HECTD4: variants seen among roughly 807,000 people sequenced by gnomAD.
HECTD4 encodes the protein probable E3 ubiquitin-protein ligase HECTD4.
HECTD4 carries 114 observed loss-of-function variants against 471.5 expected under a neutral mutation model. The observed-to-expected ratio is 0.24, with a 90% confidence interval of 0.21 to 0.28. The LOEUF (loss-of-function observed/expected upper bound fraction) is 0.28, where lower values mean the gene tolerates loss of function less well. HECTD4 is among the 10% of genes least tolerant of loss of function. HECTD4 has a pLI of 1.00. For synonymous variants in HECTD4, 2,012 were observed against 2,256.0 expected (o/e 0.89, Z 3.07); for missense variants, 3,866 against 5,651.5 (o/e 0.68, Z 10.13).
chr12:112,335,143 T>TACACAC lies in HECTD4; in HGVS notation c.178-15407_178-15402dup, dbSNP rs144839031. Among the ~76,000 whole-genome samples the TACACAC allele has an allele frequency of 6.3e-3, 929 of 146,884 alleles. 10 individuals are homozygous for TACACAC. Among genetic ancestry groups the TACACAC allele is most frequent in the African/African-American group, 0.017 (680 of 39,500 alleles). The stretch of plus-strand genomic sequence containing the variant: ...CAACAAGTGGATAAAGAAACTGTGA[T>TACACAC]ACACACACACACACACACACACAGA... On this transcript the variant is annotated intron_variant, in intron 1 of 75. Transcript: ENST00000682272.
At position 112,246,842 on chromosome 12, in the gene HECTD4, C is replaced by G; in HGVS notation, c.4513+59G>C. 8 of 1,461,524 alleles carry G rather than the reference C, an allele frequency of 5.5e-6. 1 individual carries two copies. Among genetic ancestry groups the G allele is most frequent in the Non-Finnish European group, 7.4e-6 (8 of 1,085,758 alleles). The allele number at this position is 1,461,524 out of a possible 1,614,324, so 90.5% of individuals were successfully genotyped here. ...AATATAGCTGTGTGTCTTATATGAA[C>G]AGAGTATATTCTCTGTTCATATAAC... On this transcript the variant is annotated intron_variant, in intron 29 of 75. Coordinates refer to ENST00000682272, the MANE Select transcript of HECTD4 (RefSeq NM_001388303.1).
Position 112,164,273 on chromosome 12 carries a change from G to T in HECTD4, c.12537C>A (p.Ile4179=), listed in dbSNP as rs775660969. The T allele has an allele frequency of 1.2e-6, 2 of 1,611,264 alleles. No homozygotes were observed. The highest frequency in any genetic ancestry group is 1.7e-6 in the Non-Finnish European group (2 of 1,178,276). Residue 4179 remains isoleucine (I), a splice_region_variant and synonymous_variant, in exon 73 of 76, where the codon ATC becomes ATA. Coordinates refer to ENST00000682272, the MANE Select transcript of HECTD4 (RefSeq NM_001388303.1). ...GGGCCTCCAGCTCGGTCTCATCATT[G>T]ATCTGGAGGGTGGAGGCAGAGCGAG... The part of the protein sequence containing the change: ...TYNYVKKFES[I]NDETELEALC...
At chr12:112,302,857 ATGTGCTGAACCCC>A (rs561093373) in intron 7 of HECTD4, among the ~76,000 whole-genome samples, 14 of 151,942 alleles carry the variant, frequency 9.2e-5, no homozygotes, top group Non-Finnish European at 1.8e-4. Flanking sequence ...TGAGCTTCCT[ATGTGCTGAACCCC>A]TGGCTTCAAT....
intron 1 of HECTD4, among the ~76,000 whole-genome samples, chr12:112,346,096 C>CG (rs1301590588): frequency 4.6e-5 from 7 of 152,292 alleles, no homozygotes; most frequent in African/African-American, 1.4e-4. Flanking sequence ...CTAAGGAGTG[C>CG]GACTGCCCCA....
At chr12:112,317,956 CAAAAAAAAAAAAAA>C (rs59773169) in intron 2 of HECTD4, among the ~76,000 whole-genome samples, 8 of 22,238 alleles carry the variant, frequency 3.6e-4, no homozygotes, top group South Asian at 2.2e-3. Flanking sequence ...GACCCCATCT[CAAAAAAAAAAAAAA>C]AAAAAAAAAA....
rs2137027323 is a variant in HECTD4, at chr12:112,184,273, A to T, written c.10693T>A (p.Ser3565Thr). 1.9e-6 allele frequency: 3 copies of T among 1,613,382 alleles called. No individual in the cohort carries two copies. The highest frequency in any genetic ancestry group is 4.5e-5 in the East Asian group (2 of 44,858). The part of the protein sequence containing the change: ...PLDNAETASV[S>T]DMGSMYTVTS... ...ACTGTGTACATGGAGCCCATGTCCG[A>T]CACCGAGGCCGTCTCTGCATTGTCC... The change falls in exon 61 of 76, where the codon TCG becomes ACG. Residue 3565 changes from serine to threonine, a missense_variant. Physicochemically the swap from Ser to Thr is moderately conservative, Grantham distance 58. Around this residue, in one of 16 missense-constraint regions of HECTD4, gnomAD observed 192 missense variants for 189.9 expected, o/e 1.01. Coordinates refer to ENST00000682272, the MANE Select transcript of HECTD4 (RefSeq NM_001388303.1). This position sits in a 1 kb window ranked among gnomAD's most constrained non-coding sequence, Gnocchi z 9.1.
intron 1 of HECTD4, among the ~76,000 whole-genome samples, chr12:112,354,150 G>A (rs1594068896): frequency 2.0e-5 from 3 of 151,990 alleles, no homozygotes; most frequent in South Asian, 4.2e-4. Context: ...ACAGCTCACC[G>A]CAGCCACGAC....
chr12:112,204,876 T>C (rs2032527720), intron 52 of HECTD4, among the ~76,000 whole-genome samples: 1 of 152,134 alleles, frequency 6.6e-6, no homozygotes, highest in South Asian at 2.1e-4. Flanking sequence ...CTCACACCTG[T>C]AATCCCAGCA....
intron 64 of HECTD4, among the ~76,000 whole-genome samples, chr12:112,178,482 ACT>A (rs770339653): frequency 1.3e-5 from 2 of 152,252 alleles, no homozygotes; most frequent in East Asian, 3.9e-4. Context: ...ATAAAATGAA[ACT>A]CTGATGTTCA....
At chr12:112,192,478 A>AAGT (rs1338170594) in intron 59 of HECTD4, 82 bp downstream of exon 59, 1 of 1,140,778 alleles carries the variant, frequency 8.8e-7, no homozygotes, top group Non-Finnish European at 1.2e-6. Context: ...TGCAAGGTAC[A>AAGT]AAATTCATTA....
intron 11 of HECTD4, among the ~76,000 whole-genome samples, chr12:112,271,942 C>T (rs1301519262): frequency 6.6e-6 from 1 of 152,176 alleles, no homozygotes; most frequent in Non-Finnish European, 1.5e-5. Flanking sequence ...ATCAGTCCAA[C>T]ATCTGCATTT....
intron 27 of HECTD4, 57 bp downstream of exon 27, chr12:112,248,010 T>C (rs1271817366): frequency 6.0e-5 from 71 of 1,181,240 alleles, no homozygotes; most frequent in Non-Finnish European, 1.2e-6. Context: ...ACACACAGTA[T>C]ATACCTTTGC....
At chr12:112,343,773 T>C (rs1485060529) in intron 1 of HECTD4, among the ~76,000 whole-genome samples, 2 of 151,484 alleles carry the variant, frequency 1.3e-5, no homozygotes, top group African/African-American at 4.9e-5. Context: ...ACCCCATCTC[T>C]TGGGAAAAAA....
chr12:112,343,523 A>G (rs1292585310), intron 1 of HECTD4, among the ~76,000 whole-genome samples: 1 of 152,204 alleles, frequency 6.6e-6, no homozygotes, highest in Admixed American at 6.5e-5. Flanking sequence ...TAATCCCAGC[A>G]CTTGGGGAGA....
chr12:112,236,170 T>C (rs1673974971), intron 35 of HECTD4, among the ~76,000 whole-genome samples: 2 of 152,118 alleles, frequency 1.3e-5, no homozygotes, highest in South Asian at 4.1e-4. Context: ...GCCTTCAGAG[T>C]GAAGACTCAA....
intron 7 of HECTD4, among the ~76,000 whole-genome samples, chr12:112,304,866 T>G (rs1046826754): frequency 5.3e-5 from 8 of 152,208 alleles, no homozygotes; most frequent in Admixed American, 2.6e-4. Context: ...GCTGCTGGGT[T>G]GGATGACTGG....
intron 60 of HECTD4, among the ~76,000 whole-genome samples, 197 bp from the exon 61 acceptor site, chr12:112,185,690 G>A (rs2031836528): frequency 6.6e-6 from 1 of 152,254 alleles, no homozygotes; most frequent in African/African-American, 2.4e-5. Flanking sequence ...CCAGACAAGA[G>A]AGCTAAGATT....
chr12:112,259,361 G>C lies in HECTD4; in HGVS notation c.2874-96C>G, dbSNP rs990905700. On this transcript the variant is annotated intron_variant, in intron 18 of 75. Coordinates refer to ENST00000682272, the MANE Select transcript of HECTD4 (RefSeq NM_001388303.1). Reference sequence around the variant, plus strand: ...TTTATCTGACAATTTCTCCTAAACTGCACCTCCTTAAACTACTTAAGCACT... The same window carrying C: ...TTTATCTGACAATTTCTCCTAAACTCCACCTCCTTAAACTACTTAAGCACT... 69 of 1,332,002 alleles carry C rather than the reference G, an allele frequency of 5.2e-5. 1 individual carries two copies. In the South Asian group the frequency reaches 8.8e-4, roughly 17 times the overall value. The allele number at this position is 1,332,002 out of a possible 1,614,324, so 82.5% of individuals were successfully genotyped here. A position where few individuals can be genotyped will look rare whatever the true frequency, so the allele number is the denominator to read the frequency against.
chr12:112,254,005 T>C (rs1566088548), intron 22 of HECTD4, 38 bp downstream of exon 22: 2 of 1,610,502 alleles, frequency 1.2e-6, no homozygotes, highest in Non-Finnish European at 1.7e-6. Context: ...GCAAGTTCAT[T>C]TTCTTTTCTA....
Sources: gnomAD v4.1 joint callset for allele counts (sites outside exome capture counted in the v4.1 genomes callset) on GRCh38, gnomAD v4.1.1 for gene constraint, gnomAD v4.1.1 regional missense constraint, Gnocchi (gnomAD v3.1) non-coding constraint, MANE v1.5 for transcripts, NCBI Gene and HGNC (gene_info 2026-07-23, HGNC 2026-07-21) for gene names.